SPSB1: variants seen among roughly 807,000 people sequenced by gnomAD.
SPSB1 encodes the protein splA/ryanodine receptor domain and SOCS box containing 1.
In SPSB1, 8 loss-of-function variants were observed where a neutral mutation model predicts 21.2. That is an observed-to-expected ratio of 0.38 (90% CI 0.22 to 0.68). The LOEUF (loss-of-function observed/expected upper bound fraction) is 0.68. Among genes scored for constraint, SPSB1 ranks in the 30% least tolerant of loss-of-function variants. The pLI is 0.53. For missense variants in SPSB1, 242 were observed against 377.8 expected (o/e 0.64, Z 2.98); for synonymous variants, 169 against 161.7 (o/e 1.05, Z -0.34).
intron 1 of SPSB1, among the ~76,000 whole-genome samples, chr1:9,306,941 T>A (rs1557446087): frequency 1.3e-5 from 2 of 151,376 alleles, no homozygotes; most frequent in Non-Finnish European, 3.0e-5. Flanking sequence ...TTTTTTTTTT[T>A]TTTTTAAGTG....
rs540280375 is a variant in SPSB1 at position 9,320,971 on chromosome 1, C to T, written c.-150+27900C>T. ...GGTCCCCCTCCCCTGCTTAAAATCT[C>T]CTTCCCGAGTCCCTGGCTGCCACTC... On this transcript the variant is annotated intron_variant, in intron 1 of 2. Coordinates refer to ENST00000328089, the MANE Select transcript of SPSB1 (RefSeq NM_025106.4). 2.0e-5 allele frequency among the ~76,000 whole-genome samples: 3 copies of T among 150,592 alleles called. No homozygotes were observed. The East Asian group carries it at 5.8e-4, about 29-fold the overall frequency.
chr1:9,339,121 TGGG>T, intron 1 of SPSB1: 3 of 734,466 alleles, frequency 4.1e-6, no homozygotes, highest in South Asian at 6.1e-5. Flanking sequence ...AAGGCAGGCC[TGGG>T]GACCCTACTG....
intron 1 of SPSB1, among the ~76,000 whole-genome samples, chr1:9,300,698 A>G (rs1176416055): frequency 6.6e-6 from 1 of 152,240 alleles, no homozygotes; most frequent in East Asian, 1.9e-4. Flanking sequence ...GACATTGGGC[A>G]TGTGTGGCAG....
intron 1 of SPSB1, among the ~76,000 whole-genome samples, chr1:9,299,173 G>A (rs1279828769): frequency 6.6e-6 from 1 of 152,270 alleles, no homozygotes; most frequent in Non-Finnish European, 1.5e-5. Context: ...CTGTTGATCT[G>A]ACGAATGCCC....
At chr1:9,306,455 A>G (rs192947164) in intron 1 of SPSB1, among the ~76,000 whole-genome samples, 24 of 152,322 alleles carry the variant, frequency 1.6e-4, no homozygotes, top group African/African-American at 5.5e-4. Flanking sequence ...GGTCAGTGAC[A>G]ATAGCCATCA....
intron 1 of SPSB1, chr1:9,351,327 A>G (rs1265898120): frequency 3.3e-5 from 5 of 152,270 alleles, no homozygotes; most frequent in Non-Finnish European, 5.9e-5. Flanking sequence ...GTCCCTCTGT[A>G]GGGCCAGATG....
chr1:9,307,008 G>A (rs901033932), intron 1 of SPSB1, among the ~76,000 whole-genome samples: 11 of 150,692 alleles, frequency 7.3e-5, no homozygotes, highest in Non-Finnish European at 1.0e-4. Context: ...GCTCACTGCA[G>A]CCTCCGCCTC....
At chr1:9,351,788 A>G (rs1334403672) in intron 1 of SPSB1, among the ~76,000 whole-genome samples, 1 of 152,246 alleles carries the variant, frequency 6.6e-6, no homozygotes, top group Non-Finnish European at 1.5e-5. Flanking sequence ...GCCTGGACAC[A>G]GGGTGGGTGA....
rs1639142547 is a variant in SPSB1, at chr1:9,292,928, G to T, written c.-293G>T. 3.1e-6 allele frequency: 3 copies of T among 964,126 alleles called. No individual in the cohort carries two copies. In the South Asian group the frequency reaches 1.5e-4, roughly 47 times the overall value. The allele number at this position is 964,126 out of a possible 1,614,324, so 59.7% of individuals were successfully genotyped here. On this transcript the variant is annotated 5_prime_UTR_variant, in exon 1 of 3. Coordinates refer to ENST00000328089, the MANE Select transcript of SPSB1 (RefSeq NM_025106.4). ...TCGCGCTCGGGCAGCCTGCGCGCTC[G>T]CAGCAGGAACCAGGCTCCAGGCGCC... is the stretch of plus-strand genomic sequence containing the variant.
chr1:9,360,750 A>G (rs941247977), intron 2 of SPSB1, among the ~76,000 whole-genome samples: 2 of 152,194 alleles, frequency 1.3e-5, no homozygotes, highest in African/African-American at 2.4e-5. Context: ...CCAATCCACT[A>G]TGCCCTCGTC....
rs1639642309 is a variant in SPSB1 at position 9,317,977 on chromosome 1, C to T, written c.-150+24906C>T. Among the ~76,000 whole-genome samples the T allele has an allele frequency of 1.3e-5, 2 of 152,210 alleles. No individual in the cohort carries two copies. The highest frequency in any genetic ancestry group is 4.8e-5 in the African/African-American group (2 of 41,524). On this transcript the variant is annotated intron_variant, in intron 1 of 2. Transcript: ENST00000328089. The surrounding 1 kb of genome is among the most constrained non-coding windows in gnomAD (Gnocchi z 4.3). ...AGGCTCGGCCCGAGCATCTGTGGAA[C>T]CAGAGGAAGCTGGGTGGACAGTCGC...
chr1:9,326,161 T>C (rs1489094936), intron 1 of SPSB1, among the ~76,000 whole-genome samples: 1 of 151,914 alleles, frequency 6.6e-6, no homozygotes, highest in African/African-American at 2.4e-5. Flanking sequence ...AATTTAGTCT[T>C]CCCTGCCTTT....
At chr1:9,361,985 C>T (rs908045984) in intron 2 of SPSB1, among the ~76,000 whole-genome samples, 2 of 152,252 alleles carry the variant, frequency 1.3e-5, no homozygotes, top group African/African-American at 4.8e-5. Context: ...TGCAGTTCAG[C>T]ATTTTCGAAT....
intron 1 of SPSB1, among the ~76,000 whole-genome samples, chr1:9,311,879 G>A (rs1639527012): frequency 6.6e-6 from 1 of 152,194 alleles, no homozygotes; most frequent in African/African-American, 2.4e-5. Context: ...TCCTCTGCCA[G>A]ATGAAATAGC....
chr1:9,352,468 C>T (rs1302370612), intron 1 of SPSB1, among the ~76,000 whole-genome samples: 2 of 152,152 alleles, frequency 1.3e-5, no homozygotes, highest in African/African-American at 4.8e-5. Context: ...CAGCCACGCG[C>T]GTTTATTTAT....
At chr1:9,343,362 GACC>G (rs1640119313) in intron 1 of SPSB1, among the ~76,000 whole-genome samples, 2 of 87,870 alleles carry the variant, frequency 2.3e-5, no homozygotes, top group Non-Finnish European at 5.3e-5. Flanking sequence ...TACAATGTGT[GACC>G]TTTTATATCT....
intron 1 of SPSB1, among the ~76,000 whole-genome samples, chr1:9,339,430 G>A (rs773595647): frequency 5.3e-5 from 8 of 152,208 alleles, no homozygotes; most frequent in South Asian, 2.1e-4. Context: ...GTCTGGAGGC[G>A]ACGGAGAGGT....
chr1:9,324,518 AC>A lies in SPSB1; in HGVS notation c.-149-31224del, dbSNP rs1234592135. Among the ~76,000 whole-genome samples, 6 of 151,578 alleles carry A rather than the reference AC, an allele frequency of 4.0e-5. No homozygotes were observed. Among genetic ancestry groups the A allele is most frequent in the Non-Finnish European group, 5.9e-5 (4 of 67,896 alleles). ...CGGCTCGGAGGGCTGTGGGCCCGGG[AC>A]TCGGTGTGTCCGATGAGGAAACCAG... On this transcript the variant is annotated intron_variant, in intron 1 of 2. Transcript: ENST00000328089. The surrounding 1 kb of genome is among the most constrained non-coding windows in gnomAD (Gnocchi z 4.3).
Position 9,366,492 on chromosome 1 carries a change from G to A in SPSB1, c.695-956G>A, listed in dbSNP as rs564922065. On this transcript the variant is annotated intron_variant, in intron 2 of 2. Coordinates refer to ENST00000328089, the MANE Select transcript of SPSB1 (RefSeq NM_025106.4). ...ATGGTTAGTGGCTAAGGGCATGGAC[G>A]CTGGGCCCAGGCTGCCTGGATTCAG... 3.3e-5 allele frequency among the ~76,000 whole-genome samples: 5 copies of A among 152,072 alleles called. No homozygotes were observed. The East Asian group carries it at 5.8e-4, about 18-fold the overall frequency.
Sources: gnomAD v4.1 joint callset for allele counts (sites outside exome capture counted in the v4.1 genomes callset) on GRCh38, gnomAD v4.1.1 for gene constraint, Gnocchi (gnomAD v3.1) non-coding constraint, MANE v1.5 for transcripts, NCBI Gene and HGNC (gene_info 2026-07-23, HGNC 2026-07-21) for gene names.